Variants in ETV1 observed in about 807,000 individuals in gnomAD.
ETV1 encodes ETS variant transcription factor 1, also known as ETS translocation variant 1.
ETV1 carries 27 observed loss-of-function variants against 62.3 expected under a neutral mutation model. The ratio of observed to expected loss-of-function variants is 0.43; its 90% CI spans 0.32 to 0.60. The LOEUF is 0.60. Among genes scored for constraint, ETV1 ranks in the 20% least tolerant of loss-of-function variants. The pLI is 0.06. For missense variants in ETV1, 605 were observed against 605.8 expected (o/e 1.00, Z 0.01); for synonymous variants, 222 against 199.6 (o/e 1.11, Z -0.94).
chr7:13,988,881 A>T, intron 3 of ETV1, 127 bp downstream of exon 3: 2 of 1,560,034 alleles, frequency 1.3e-6, no homozygotes, highest in Non-Finnish European at 1.8e-6. Context: ...GTCGCCCTAC[A>T]GTGGCAACAA....
intron 6 of ETV1, among the ~76,000 whole-genome samples, chr7:13,957,261 AT>A (rs1044674148): frequency 3.3e-5 from 5 of 151,450 alleles, no homozygotes; most frequent in South Asian, 4.2e-4. Flanking sequence ...AATTTTTTGT[AT>A]TTTTTAGTAG....
intron 6 of ETV1, among the ~76,000 whole-genome samples, chr7:13,941,761 T>A (rs975816487): frequency 3.3e-5 from 5 of 151,754 alleles, no homozygotes; most frequent in African/African-American, 1.2e-4. Context: ...ATTCCAGCTA[T>A]CGGGAGGCTG....
chr7:13,964,881 G>C (rs945406855), intron 6 of ETV1, among the ~76,000 whole-genome samples: 1 of 152,140 alleles, frequency 6.6e-6, no homozygotes, highest in Non-Finnish European at 1.5e-5. Context: ...TGAAGAGCCT[G>C]ATAATCTTTT....
intron 9 of ETV1, among the ~76,000 whole-genome samples, chr7:13,917,326 A>ATTTT (rs1485729109): frequency 6.8e-6 from 1 of 146,686 alleles, no homozygotes; most frequent in African/African-American, 2.5e-5. Flanking sequence ...TTATTTATTT[A>ATTTT]TTTATTTTGA....
At chr7:13,933,008 G>A (rs1163171273) in intron 8 of ETV1, among the ~76,000 whole-genome samples, 3 of 152,114 alleles carry the variant, frequency 2.0e-5, no homozygotes, top group South Asian at 2.1e-4. Context: ...TAGAAACTCG[G>A]ATATTGCAGA....
rs746486152 is a variant in ETV1, at chr7:13,989,054, C to T, written c.-2G>A. ...TTGCTGGTCATAAAATCCATCCATG[C>T]TGCTGCTCTTCGCAAATCTCAGCTC... On this transcript the variant is annotated 5_prime_UTR_variant, in exon 3 of 14. Transcript: ENST00000430479. 8 of 1,601,074 alleles carry T rather than the reference C, an allele frequency of 5.0e-6. No individual in the cohort carries two copies. In the African/African-American group the frequency reaches 1.1e-4, roughly 22 times the overall value.
At chr7:13,946,921 T>C (rs1021971107) in intron 6 of ETV1, among the ~76,000 whole-genome samples, 4 of 152,174 alleles carry the variant, frequency 2.6e-5, no homozygotes, top group Non-Finnish European at 5.9e-5. Flanking sequence ...CCCAAGTAGC[T>C]GGGATTACAG....
chr7:13,899,500 C>T (rs143698530), intron 13 of ETV1, among the ~76,000 whole-genome samples: 217 of 152,242 alleles, frequency 1.4e-3, no homozygotes, highest in Non-Finnish European at 2.3e-3. Context: ...TGCTATTTTT[C>T]GCTGCTCTAA....
intron 13 of ETV1, among the ~76,000 whole-genome samples, chr7:13,897,375 A>G (rs1781959283): frequency 6.6e-6 from 1 of 152,236 alleles, no homozygotes; most frequent in African/African-American, 2.4e-5. Flanking sequence ...AACAATTGTC[A>G]ATGAATGCTG....
intron 6 of ETV1, among the ~76,000 whole-genome samples, chr7:13,949,650 G>A (rs1457941988): frequency 6.6e-6 from 1 of 152,000 alleles, no homozygotes; most frequent in African/African-American, 2.4e-5. Context: ...GCCTTTATGG[G>A]GCCATTAAAC....
At chr7:13,913,168 A>G (rs887155510) in intron 9 of ETV1, among the ~76,000 whole-genome samples, 3 of 152,226 alleles carry the variant, frequency 2.0e-5, no homozygotes, top group Admixed American at 2.0e-4. Flanking sequence ...GGCATTGCAT[A>G]TGCATTCAGT....
At chr7:13,947,339 G>T (rs1411112150) in intron 6 of ETV1, among the ~76,000 whole-genome samples, 1 of 144,594 alleles carries the variant, frequency 6.9e-6, no homozygotes, top group Non-Finnish European at 1.5e-5. Flanking sequence ...GGTTGAGTTT[G>T]GAATTCTAAT....
chr7:13,958,305 C>T (rs1253916050), intron 6 of ETV1, among the ~76,000 whole-genome samples: 3 of 152,166 alleles, frequency 2.0e-5, no homozygotes, highest in Admixed American at 1.3e-4. Context: ...TTCAGATAAA[C>T]CTTGAATACA....
chr7:13,948,375 TA>T (rs1482279794), intron 6 of ETV1, among the ~76,000 whole-genome samples: 2 of 152,254 alleles, frequency 1.3e-5, no homozygotes, highest in African/African-American at 4.8e-5. Context: ...AAACACGTCA[TA>T]TTTTTAATTC....
intron 12 of ETV1, among the ~76,000 whole-genome samples, chr7:13,904,594 A>G (rs1345596553): frequency 6.6e-6 from 1 of 152,132 alleles, no homozygotes; most frequent in Admixed American, 6.5e-5. Context: ...AATGTTCCCT[A>G]TCTTAACAAA....
rs58867942 is a variant in ETV1, at chr7:13,910,228, CTTTTTTTT to C, written c.872-536_872-529del. Among the ~76,000 whole-genome samples, 4 of 120,254 alleles carry C rather than the reference CTTTTTTTT, an allele frequency of 3.3e-5. No individual in the cohort carries two copies. In the East Asian group the frequency reaches 7.8e-4, roughly 24 times the overall value. The allele number at this position is 120,254 out of a possible 152,430, so 78.9% of individuals were successfully genotyped here. Reference sequence around the variant, plus strand: ...AGATAAGAGGAAAAAAAAAGTTTCCCTTTTTTTTTTTTTTTTTTTGCTGTAAGGTAAGT... The same window carrying C: ...AGATAAGAGGAAAAAAAAAGTTTCCCTTTTTTTTTTTGCTGTAAGGTAAGT... On this transcript the variant is annotated intron_variant, in intron 10 of 13. Transcript: ENST00000430479.
chr7:13,954,694 C>A (rs1789215271), intron 6 of ETV1, among the ~76,000 whole-genome samples: 11 of 152,100 alleles, frequency 7.2e-5, no homozygotes, highest in Admixed American at 7.2e-4. Context: ...TATTTTAGCA[C>A]CAAAATGACA....
chr7:13,984,962 G>A (rs1782400072), intron 5 of ETV1, among the ~76,000 whole-genome samples: 1 of 150,020 alleles, frequency 6.7e-6, no homozygotes, highest in South Asian at 2.1e-4. Context: ...TTATAAAATG[G>A]TAAGAGTCTG....
Position 13,915,485 on chromosome 7 carries a change from T to A in ETV1, c.803-4178A>T, listed in dbSNP as rs148875677. Among the ~76,000 whole-genome samples, 961 of 152,328 alleles carry A rather than the reference T, an allele frequency of 6.3e-3. 10 individuals are homozygous for A. Among genetic ancestry groups the A allele is most frequent in the African/African-American group, 0.022 (904 of 41,576 alleles). On this transcript the variant is annotated intron_variant, in intron 9 of 13. Transcript: ENST00000430479. Reference sequence around the variant, plus strand: ...AGCATAGTGACAGATCTTGCCAACATTTTATCTCTTTTAAACTTAGTACTT... The same window carrying A: ...AGCATAGTGACAGATCTTGCCAACAATTTATCTCTTTTAAACTTAGTACTT...
Sources: gnomAD v4.1 joint callset for allele counts (sites outside exome capture counted in the v4.1 genomes callset) on GRCh38, gnomAD v4.1.1 for gene constraint, MANE v1.5 for transcripts, NCBI Gene and HGNC (gene_info 2026-07-23, HGNC 2026-07-21) for gene names.